Variants in TM2D1 observed in about 807,000 individuals in gnomAD.
TM2D1 encodes TM2 domain-containing protein 1.
A neutral mutation model predicts 28.4 loss-of-function variants in TM2D1; 15 were observed. That is an observed-to-expected ratio of 0.53 (90% CI 0.35 to 0.81). The LOEUF is 0.81. TM2D1 is among the 40% of genes least tolerant of loss of function. The pLI, the probability that TM2D1 is intolerant of heterozygous loss-of-function variation, is 0.01. For missense variants in TM2D1, 236 were observed against 254.9 expected (o/e 0.93, Z 0.50); for synonymous variants, 93 against 96.2 (o/e 0.97, Z 0.20).
chr1:61,695,476 G>A (rs960556935), intron 4 of TM2D1, among the ~76,000 whole-genome samples: 2 of 151,944 alleles, frequency 1.3e-5, no homozygotes, highest in African/African-American at 4.8e-5. Flanking sequence ...GCAGATTGGG[G>A]GTGGGCTGGG....
chr1:61,682,834 A>C (rs993466846), intron 6 of TM2D1, among the ~76,000 whole-genome samples: 1 of 150,658 alleles, frequency 6.6e-6, no homozygotes, highest in Non-Finnish European at 1.5e-5. Flanking sequence ...CAGACGTTGC[A>C]GTGAGCCAAG....
intron 3 of TM2D1, among the ~76,000 whole-genome samples, chr1:61,704,051 C>T (rs1644423811): frequency 6.7e-6 from 1 of 149,286 alleles, no homozygotes; most frequent in Admixed American, 6.7e-5. Flanking sequence ...CCACCACATC[C>T]AGCTAATTTT....
At chr1:61,716,535 G>A (rs1215038777) in intron 2 of TM2D1, among the ~76,000 whole-genome samples, 1 of 138,944 alleles carries the variant, frequency 7.2e-6, no homozygotes, top group Non-Finnish European at 1.5e-5. Context: ...TTATATATGT[G>A]TATAATTTTA....
At chr1:61,691,932 A>AAAAAAAAAAATAT in intron 5 of TM2D1, among the ~76,000 whole-genome samples, 6 of 76,398 alleles carry the variant, frequency 7.9e-5, no homozygotes, top group East Asian at 4.8e-4. Flanking sequence ...AAAAAAAAAA[A>AAAAAAAAAAATAT]ATATATATAT....
chr1:61,709,771 G>C (rs1644464214), intron 2 of TM2D1, among the ~76,000 whole-genome samples: 1 of 152,108 alleles, frequency 6.6e-6, no homozygotes, highest in South Asian at 2.1e-4. Flanking sequence ...CCAGAATTAA[G>C]AATACCTCTC....
intron 4 of TM2D1, chr1:61,700,141 T>C (rs1644391357): frequency 1.3e-6 from 2 of 1,496,812 alleles, no homozygotes; most frequent in Non-Finnish European, 1.8e-6. Flanking sequence ...TGAGTGTCCT[T>C]GGGTAAATCT....
intron 5 of TM2D1, chr1:61,686,947 A>G: frequency 1.0e-6 from 1 of 984,480 alleles, no homozygotes; most frequent in Non-Finnish European, 1.2e-6. Flanking sequence ...AAATTACCCC[A>G]ATACTGGGAA....
intron 2 of TM2D1, among the ~76,000 whole-genome samples, chr1:61,721,951 TAAAAAAA>T (rs768461684): frequency 4.5e-5 from 2 of 43,998 alleles, no homozygotes; most frequent in African/African-American, 9.8e-5. Flanking sequence ...TCTCTACAGC[TAAAAAAA>T]AAAAAAAAAA....
Position 61,694,733 on chromosome 1 carries a change from A to C in TM2D1, c.477T>G (p.Ile159Met), listed in dbSNP as rs745370162. 3 of 1,608,732 alleles carry C rather than the reference A, an allele frequency of 1.9e-6. No homozygotes were observed. In the Admixed American group the frequency reaches 5.1e-5, roughly 27 times the overall value. ...LKFCTVGFCG[I>M]GSLIDFILIS... is the part of the protein sequence containing the mutation. The stretch of plus-strand genomic sequence containing the variant: ...TAAGAATGAAATCAATTAGGCTCCC[A>C]ATTCCACAAAACCCTACAGTGCAAA... The change falls in exon 5 of 7, where the codon ATT (isoleucine) becomes ATG (methionine). Residue 159 changes from isoleucine to methionine, a missense_variant. Ile to Met is a conservative substitution (Grantham distance 10, BLOSUM62 1). Coordinates refer to ENST00000606498, the MANE Select transcript of TM2D1 (RefSeq NM_032027.3).
intron 5 of TM2D1, chr1:61,686,723 T>C (rs567029359): frequency 2.4e-6 from 2 of 827,866 alleles, no homozygotes; most frequent in Admixed American, 1.2e-4. Flanking sequence ...ACATATATAA[T>C]AAATGTGCCA....
rs572066003 is a variant in TM2D1 at position 61,723,341 on chromosome 1, A to G, written c.238+372T>C. 6.4e-4 allele frequency among the ~76,000 whole-genome samples: 98 copies of G among 152,362 alleles called. 2 individuals are homozygous for G. Among genetic ancestry groups the G allele is most frequent in the Middle Eastern group, 6.8e-3 (2 of 294 alleles). On this transcript the variant is annotated intron_variant, in intron 2 of 6. Transcript: ENST00000606498. Reference sequence around the variant, plus strand: ...TATCAGGTAAGTATTCATAGATGATATAAGTGGAGAGCTAAAGGAAAATAA... The same window carrying G: ...TATCAGGTAAGTATTCATAGATGATGTAAGTGGAGAGCTAAAGGAAAATAA...
At chr1:61,687,098 C>A (rs1315961367) in intron 5 of TM2D1, among the ~76,000 whole-genome samples, 1 of 151,906 alleles carries the variant, frequency 6.6e-6, no homozygotes, top group East Asian at 1.9e-4. Context: ...AATCCCAGCA[C>A]TTAGGGAGGC....
intron 5 of TM2D1, chr1:61,686,708 C>T (rs1449504991): frequency 1.5e-6 from 1 of 683,122 alleles, no homozygotes; most frequent in Non-Finnish European, 1.8e-6. Context: ...TAAGCACCCA[C>T]ATACACATAT....
At chr1:61,697,863 T>G (rs1285791517) in intron 4 of TM2D1, 1 of 152,194 alleles carries the variant, frequency 6.6e-6, no homozygotes, top group Admixed American at 6.6e-5. Flanking sequence ...ACTCCAGGAG[T>G]AGGTAATATT....
chr1:61,713,543 T>C (rs952025792), intron 2 of TM2D1, among the ~76,000 whole-genome samples: 1 of 149,822 alleles, frequency 6.7e-6, no homozygotes, highest in Admixed American at 6.7e-5. Context: ...TAAACACAGG[T>C]TTTTTTTCTC....
At chr1:61,706,601 G>C (rs1323150026) in intron 3 of TM2D1, among the ~76,000 whole-genome samples, 1 of 151,848 alleles carries the variant, frequency 6.6e-6, no homozygotes, top group Non-Finnish European at 1.5e-5. Flanking sequence ...CTGAGGTCAG[G>C]AGTTCGAGAC....
intron 3 of TM2D1, among the ~76,000 whole-genome samples, chr1:61,703,730 A>ATATATAATCTT (rs1413737298): frequency 1.3e-5 from 1 of 74,848 alleles, no homozygotes; most frequent in African/African-American, 6.1e-5. Context: ...ATATATATAT[A>ATATATAATCTT]TATATATATA....
At chr1:61,685,710 C>A (rs1644280321) in intron 5 of TM2D1, among the ~76,000 whole-genome samples, 1 of 152,214 alleles carries the variant, frequency 6.6e-6, no homozygotes, top group Non-Finnish European at 1.5e-5. Flanking sequence ...ATTGATTTGG[C>A]TTGACACTTA....
chr1:61,693,651 G>A (rs1300062811), intron 5 of TM2D1, among the ~76,000 whole-genome samples: 1 of 152,068 alleles, frequency 6.6e-6, no homozygotes, highest in East Asian at 1.9e-4. Context: ...GTATCTTATT[G>A]GTCCATATGC....
Sources: gnomAD v4.1 joint callset for allele counts (sites outside exome capture counted in the v4.1 genomes callset) on GRCh38, gnomAD v4.1.1 for gene constraint, MANE v1.5 for transcripts, NCBI Gene and HGNC (gene_info 2026-07-23, HGNC 2026-07-21) for gene names.